The following ABHD18 variants were observed in gnomAD, a reference collection of about 807,000 sequenced individuals.
ABHD18 encodes the protein abhydrolase domain containing 18, also known as cardiolipin-specific deacylase, mitochondrial.
A neutral mutation model predicts 65.9 loss-of-function variants in ABHD18; 55 were observed. That is an observed-to-expected ratio of 0.84 (90% CI 0.67 to 1.05). The LOEUF is 1.05. ABHD18 is among the 50% of genes least tolerant of loss of function. The pLI is 0.00. For missense variants in ABHD18, 533 were observed against 558.5 expected (o/e 0.95, Z 0.46); for synonymous variants, 181 against 180.2 (o/e 1.00, Z -0.04).
intron 10 of ABHD18, among the ~76,000 whole-genome samples, chr4:128,022,859 A>C (rs966846147): frequency 6.7e-6 from 1 of 148,792 alleles, no homozygotes; most frequent in Non-Finnish European, 1.5e-5. Context: ...CAACCTCCGC[A>C]TCCCAGATTC....
chr4:127,986,614 A>C (rs909531689), intron 3 of ABHD18, among the ~76,000 whole-genome samples: 3 of 152,196 alleles, frequency 2.0e-5, no homozygotes, highest in Non-Finnish European at 4.4e-5. Flanking sequence ...GATAACTCTA[A>C]ATTTAACTTT....
At chr4:128,034,176 C>G (rs554671604) in intron 12 of ABHD18, among the ~76,000 whole-genome samples, 1 of 151,846 alleles carries the variant, frequency 6.6e-6, no homozygotes, top group African/African-American at 2.4e-5. Flanking sequence ...CCAGGCTGGT[C>G]TCGAACTCCT....
chr4:127,975,320 C>T (rs1031641463), intron 1 of ABHD18, among the ~76,000 whole-genome samples: 1 of 152,170 alleles, frequency 6.6e-6, no homozygotes, highest in Non-Finnish European at 1.5e-5. Context: ...CCCATCCCCC[C>T]AGTACTGGGC....
chr4:128,016,989 C>T (rs538384007), intron 7 of ABHD18, among the ~76,000 whole-genome samples: 3 of 151,988 alleles, frequency 2.0e-5, no homozygotes, highest in African/African-American at 7.2e-5. Flanking sequence ...GCAGTCTCAG[C>T]TCACTGCAGC....
intron 4 of ABHD18, among the ~76,000 whole-genome samples, chr4:127,998,466 C>T (rs553918773): frequency 1.7e-3 from 258 of 150,844 alleles, no homozygotes; most frequent in Non-Finnish European, 3.1e-3. Context: ...GTCTCGATCT[C>T]CTGACCTCGT....
intron 4 of ABHD18, among the ~76,000 whole-genome samples, 181 bp downstream of exon 4, chr4:127,990,002 T>C (rs555881077): frequency 1.3e-5 from 2 of 152,324 alleles, no homozygotes; most frequent in South Asian, 2.1e-4. Flanking sequence ...AGGATATTCA[T>C]TGAAGCATTG....
intron 10 of ABHD18, among the ~76,000 whole-genome samples, chr4:128,025,528 A>T (rs1442813778): frequency 6.6e-6 from 1 of 152,228 alleles, no homozygotes; most frequent in Non-Finnish European, 1.5e-5. Context: ...ATGTACCATA[A>T]TTAATCAGTA....
intron 12 of ABHD18, 60 bp downstream of exon 12, chr4:128,030,732 G>C (rs746306221): frequency 3.4e-5 from 51 of 1,512,786 alleles, no homozygotes; most frequent in Admixed American, 7.9e-5. Context: ...TGGATTTTTT[G>C]CTTCAACAAA....
intron 1 of ABHD18, among the ~76,000 whole-genome samples, chr4:127,969,749 A>ATT (rs200187541): frequency 1.5e-4 from 22 of 141,938 alleles, no homozygotes; most frequent in Admixed American, 4.9e-4. Context: ...AGGTGTTGGA[A>ATT]TTTTTTTTTT....
chr4:128,002,206 T>C (rs1169854361), intron 4 of ABHD18, among the ~76,000 whole-genome samples: 7 of 151,566 alleles, frequency 4.6e-5, no homozygotes, highest in Middle Eastern at 3.4e-3. Flanking sequence ...ACCCGGGAGA[T>C]GGAGGTTGCG....
At chr4:127,985,383 G>A (rs1298245298) in intron 3 of ABHD18, among the ~76,000 whole-genome samples, 3 of 151,784 alleles carry the variant, frequency 2.0e-5, no homozygotes, top group Non-Finnish European at 4.4e-5. Context: ...CATCTCATAT[G>A]TTTTGGATAT....
intron 4 of ABHD18, among the ~76,000 whole-genome samples, chr4:128,002,228 T>C (rs1752770656): frequency 6.6e-6 from 1 of 151,318 alleles, no homozygotes; most frequent in Non-Finnish European, 1.5e-5. Flanking sequence ...TGAGCCAAGA[T>C]CGTGACACTG....
At chr4:127,968,246 T>G (rs1006559163) in intron 1 of ABHD18, among the ~76,000 whole-genome samples, 4 of 152,218 alleles carry the variant, frequency 2.6e-5, no homozygotes, top group African/African-American at 4.8e-5. Flanking sequence ...TTTCTTACTC[T>G]TGTTCAGTGT....
chr4:128,019,369 GCCTATTGACCATC>G (rs1240580962), intron 8 of ABHD18, among the ~76,000 whole-genome samples: 1 of 152,148 alleles, frequency 6.6e-6, no homozygotes, highest in African/African-American at 2.4e-5. Flanking sequence ...GGCCATGTGT[GCCTATTGACCATC>G]CCAACTGAAG....
chr4:127,965,431 G>C lies in ABHD18; in HGVS notation c.-193G>C. 1.8e-6 allele frequency: 1 copy of C among 548,286 alleles called. No individual in the cohort carries two copies. Among genetic ancestry groups the C allele is most frequent in the South Asian group, 2.0e-5 (1 of 49,010 alleles). 34.0% of individuals were successfully genotyped at this position (548,286 alleles called of 1,614,324 possible). ...AAACTGCCGCGCCGCCCTGCTCCGG[G>C]TTTGTCTTCCTCCCTCCGTTTCTCC... is the stretch of plus-strand genomic sequence containing the variant. On this transcript the variant is annotated 5_prime_UTR_variant, in exon 1 of 13. Transcript: ENST00000645843.
rs1560959064 is a variant in ABHD18, at chr4:128,037,881, GT to G, written c.*2070del. 6.7e-6 allele frequency: 1 copy of G among 149,034 alleles called. No individual in the cohort carries two copies. Among genetic ancestry groups the G allele is most frequent in the African/African-American group, 2.4e-5 (1 of 41,246 alleles). 9.2% of individuals were successfully genotyped at this position (149,034 alleles called of 1,614,324 possible). A position where few individuals can be genotyped will look rare whatever the true frequency, so the allele number is the denominator to read the frequency against. On this transcript the variant is annotated 3_prime_UTR_variant, in exon 13 of 13. Transcript: ENST00000645843. ...GCTCGATTTGGTGCTTTCTTTTTAT[GT>G]TAAACTTCTCTAGCTGTCAGCTAAA...
intron 3 of ABHD18, among the ~76,000 whole-genome samples, chr4:127,986,218 T>C (rs1487795734): frequency 4.6e-5 from 7 of 152,244 alleles, no homozygotes; most frequent in Non-Finnish European, 1.0e-4. Context: ...GTCTACTCTC[T>C]GTCTCTATGG....
chr4:128,031,873 A>G (rs934175541), intron 12 of ABHD18, among the ~76,000 whole-genome samples: 6 of 152,238 alleles, frequency 3.9e-5, no homozygotes, highest in Non-Finnish European at 7.3e-5. Flanking sequence ...TGAGCAGACT[A>G]TCCAATACTC....
chr4:128,030,119 A>C lies in ABHD18; in HGVS notation c.1181-391A>C, dbSNP rs534484077. ...GTAGTGCACTATGATCTTGCCAATGAATAGCCACTGCATTTCAGCCTGGGC... is the reference window on the plus strand; with the variant it reads ...GTAGTGCACTATGATCTTGCCAATGCATAGCCACTGCATTTCAGCCTGGGC... On this transcript the variant is annotated intron_variant, in intron 11 of 12. Coordinates refer to ENST00000645843, the MANE Select transcript of ABHD18 (RefSeq NM_001358451.3). Among the ~76,000 whole-genome samples the C allele has an allele frequency of 1.1e-3, 169 of 152,270 alleles. 1 individual carries two copies. The highest frequency in any genetic ancestry group is 4.0e-3 in the African/African-American group (166 of 41,562).
Sources: allele counts gnomAD v4.1 joint callset (sites outside exome capture counted in the v4.1 genomes callset), GRCh38; gene constraint gnomAD v4.1.1; transcripts MANE v1.5; gene names NCBI Gene and HGNC (gene_info 2026-07-23, HGNC 2026-07-21).